The following CTNNA3 variants were observed in gnomAD, a reference collection of about 807,000 sequenced individuals.
The protein encoded by CTNNA3 is catenin alpha 3.
Under a neutral mutation model 95.7 loss-of-function variants are expected in CTNNA3, and 76 were observed. The ratio of observed to expected loss-of-function variants is 0.79; its 90% CI spans 0.66 to 0.96. CTNNA3 has a LOEUF of 0.96. Ranked by LOEUF, CTNNA3 falls within the 40% of genes least tolerant of loss-of-function variation. The pLI is 0.00. For missense variants in CTNNA3, 1,191 were observed against 1,089.8 expected (o/e 1.09, Z -1.31); for synonymous variants, 431 against 374.4 (o/e 1.15, Z -1.74).
intron 1 of CTNNA3, among the ~76,000 whole-genome samples, chr10:67,664,906 C>T (rs561731891): frequency 3.3e-5 from 5 of 152,068 alleles, no homozygotes; most frequent in African/African-American, 1.2e-4. Context: ...TTTAAGTCTG[C>T]GCACAAAAAC....
intron 5 of CTNNA3, among the ~76,000 whole-genome samples, chr10:67,433,763 CT>C (rs1263701366): frequency 5.9e-5 from 9 of 152,008 alleles, no homozygotes; most frequent in Non-Finnish European, 1.2e-4. Flanking sequence ...GTGAAAGTTC[CT>C]GTCCGTGCCA....
At chr10:67,261,427 T>C (rs1481280538) in intron 5 of CTNNA3, among the ~76,000 whole-genome samples, 1 of 152,118 alleles carries the variant, frequency 6.6e-6, no homozygotes, top group Non-Finnish European at 1.5e-5. Flanking sequence ...TGGGAAACTT[T>C]ATGTCAGAAA....
intron 13 of CTNNA3, among the ~76,000 whole-genome samples, chr10:66,121,373 C>G (rs1243338645): frequency 6.6e-6 from 1 of 152,082 alleles, no homozygotes; most frequent in Non-Finnish European, 1.5e-5. Flanking sequence ...TTCTTTATTT[C>G]TTTTAGCTAT....
chr10:67,085,912 A>G (rs1005211629), intron 7 of CTNNA3, among the ~76,000 whole-genome samples: 2 of 152,022 alleles, frequency 1.3e-5, no homozygotes, highest in African/African-American at 2.4e-5. Context: ...CAGCTTAAAC[A>G]TGACGTTATC....
chr10:66,744,179 T>C (rs186403528), intron 9 of CTNNA3, among the ~76,000 whole-genome samples: 1 of 152,194 alleles, frequency 6.6e-6, no homozygotes. Flanking sequence ...TGGATCACTT[T>C]TTAGGTTTTA....
chr10:67,268,628 G>T (rs1454863925), intron 5 of CTNNA3, among the ~76,000 whole-genome samples: 1 of 152,118 alleles, frequency 6.6e-6, no homozygotes, highest in Non-Finnish European at 1.5e-5. Flanking sequence ...ATTATAAAGC[G>T]TAAATTACTT....
chr10:66,460,928 A>G (rs1325197004), intron 11 of CTNNA3, among the ~76,000 whole-genome samples: 1 of 152,118 alleles, frequency 6.6e-6, no homozygotes, highest in African/African-American at 2.4e-5. Context: ...GGCTTAAAAC[A>G]TTATTCTTGT....
chr10:66,906,698 T>G (rs1047918609), intron 7 of CTNNA3, among the ~76,000 whole-genome samples: 1 of 152,116 alleles, frequency 6.6e-6, no homozygotes, highest in Non-Finnish European at 1.5e-5. Flanking sequence ...TTGACTGGTA[T>G]TTGATTCGAA....
intron 1 of CTNNA3, among the ~76,000 whole-genome samples, chr10:67,682,219 T>G (rs1036692676): frequency 6.0e-5 from 9 of 149,404 alleles, no homozygotes; most frequent in African/African-American, 2.0e-4. Context: ...CCCAGCTACT[T>G]GGGAGGCTGA....
chr10:66,627,286 T>C (rs1844970238), intron 9 of CTNNA3, among the ~76,000 whole-genome samples: 1 of 152,162 alleles, frequency 6.6e-6, no homozygotes, highest in African/African-American at 2.4e-5. Context: ...CAGTTCTTTT[T>C]CTAACCTAGT....
chr10:66,027,260 A>G (rs897652674), intron 15 of CTNNA3, among the ~76,000 whole-genome samples: 4 of 152,178 alleles, frequency 2.6e-5, no homozygotes, highest in Admixed American at 1.3e-4. Context: ...TAATTAACAC[A>G]TAAGATAGTC....
At chr10:67,663,552 C>T (rs1472425839) in intron 1 of CTNNA3, among the ~76,000 whole-genome samples, 1 of 152,104 alleles carries the variant, frequency 6.6e-6, no homozygotes, top group African/African-American at 2.4e-5. Flanking sequence ...TCTGGGGCAG[C>T]CGCAGGAGGG....
chr10:67,101,219 G>A (rs1564891187), intron 7 of CTNNA3, among the ~76,000 whole-genome samples: 1 of 151,630 alleles, frequency 6.6e-6, no homozygotes, highest in Non-Finnish European at 1.5e-5. Context: ...CACAAGGAAA[G>A]AAACCCCAAG....
intron 13 of CTNNA3, among the ~76,000 whole-genome samples, chr10:66,201,787 T>TTTC (rs544196098): frequency 0.012 from 1,730 of 140,352 alleles, 15 homozygotes; most frequent in Non-Finnish European, 0.021. Flanking sequence ...CTTTTTCTTT[T>TTTC]TTTTTTTTTT....
chr10:67,566,046 T>TAC (rs1459280840), intron 3 of CTNNA3, among the ~76,000 whole-genome samples: 4 of 68,816 alleles, frequency 5.8e-5, no homozygotes, highest in African/African-American at 2.4e-4. Context: ...TGTGTGTGTA[T>TAC]ATATATATAT....
At chr10:66,912,155 T>C (rs1280432143) in intron 7 of CTNNA3, among the ~76,000 whole-genome samples, 3 of 152,164 alleles carry the variant, frequency 2.0e-5, no homozygotes, top group East Asian at 1.9e-4. Context: ...GGTTGCCTAT[T>C]TGAAGTTTAA....
chr10:66,880,857 T>G (rs1263962070), intron 7 of CTNNA3, among the ~76,000 whole-genome samples: 1 of 152,170 alleles, frequency 6.6e-6, no homozygotes, highest in African/African-American at 2.4e-5. Flanking sequence ...CACGTAACCC[T>G]GAAGTTACAG....
chr10:66,464,843 T>C (rs545565255), intron 11 of CTNNA3, among the ~76,000 whole-genome samples: 2 of 151,932 alleles, frequency 1.3e-5, no homozygotes, highest in East Asian at 1.9e-4. Flanking sequence ...TACAGGCTAA[T>C]TGGAATGGAG....
chr10:66,980,363 T>C (rs897225450), intron 7 of CTNNA3, among the ~76,000 whole-genome samples: 3 of 152,186 alleles, frequency 2.0e-5, no homozygotes, highest in Admixed American at 2.0e-4. Context: ...GCTTGCTCTG[T>C]TAGCAGCAAA....
Sources: gnomAD v4.1 joint callset for allele counts (sites outside exome capture counted in the v4.1 genomes callset) on GRCh38, gnomAD v4.1.1 for gene constraint, MANE v1.5 for transcripts, NCBI Gene and HGNC (gene_info 2026-07-23, HGNC 2026-07-21) for gene names.